TNFAIP1: variants seen among roughly 807,000 people sequenced by gnomAD.
TNFAIP1 encodes the protein TNF alpha induced protein 1, also known as BTB/POZ domain-containing adapter for CUL3-mediated RhoA degradation protein 2.
A neutral mutation model predicts 32.6 loss-of-function variants in TNFAIP1; 20 were observed. That is an observed-to-expected ratio of 0.61 (90% CI 0.43 to 0.89). The LOEUF (loss-of-function observed/expected upper bound fraction) is 0.89. Among genes scored for constraint, TNFAIP1 ranks in the 40% least tolerant of loss-of-function variants. The probability of loss-of-function intolerance (pLI) is 0.00; values close to 1 mark genes in which losing one functional copy is unlikely to be tolerated. For missense variants in TNFAIP1, 319 were observed against 425.1 expected (o/e 0.75, Z 2.20); for synonymous variants, 166 against 166.8 (o/e 1.00, Z 0.04).
intron 5 of TNFAIP1, 52 bp downstream of exon 5, chr17:28,341,508 A>ACAGGCAGTACTCCTTGGGTCTG: frequency 6.3e-7 from 1 of 1,595,000 alleles, no homozygotes; most frequent in Non-Finnish European, 8.6e-7. Flanking sequence ...CCCAAGGAGT[A>ACAGGCAGTACTCCTTGGGTCTG]CTGCCTGTAC....
chr17:28,341,133 C>T, intron 3 of TNFAIP1, 104 bp from the exon 4 acceptor site: 2 of 1,206,840 alleles, frequency 1.7e-6, no homozygotes, highest in East Asian at 2.3e-5. Context: ...GACACTTCCT[C>T]ACCAAGCAGC....
intron 5 of TNFAIP1, among the ~76,000 whole-genome samples, 191 bp downstream of exon 5, chr17:28,341,647 A>C (rs886683193): frequency 2.0e-5 from 3 of 152,254 alleles, no homozygotes; most frequent in African/African-American, 7.2e-5. Context: ...CCTGGCTGGG[A>C]TATAAATGAT....
At position 28,346,397 on chromosome 17, in the gene TNFAIP1, C is replaced by G. The variant is rs1409250983; in HGVS notation, c.*1797C>G. On this transcript the variant is annotated 3_prime_UTR_variant, in exon 7 of 7. Coordinates refer to ENST00000226225, the MANE Select transcript of TNFAIP1 (RefSeq NM_021137.5). The stretch of plus-strand genomic sequence containing the variant: ...GACCACTGGCCTATTTTCTCAGCTG[C>G]CCTCTTGAGGTCCTTTAACACTCAA... The G allele has an allele frequency of 1.3e-5, 2 of 152,200 alleles. No individual in the cohort carries two copies. The highest frequency in any genetic ancestry group is 4.8e-5 in the African/African-American group (2 of 41,440). 9.4% of individuals were successfully genotyped at this position (152,200 alleles called of 1,614,324 possible). A position where few individuals can be genotyped will look rare whatever the true frequency, so the allele number is the denominator to read the frequency against.
In TNFAIP1 at chr17:28,344,788, A is replaced by G. The variant is rs1319315096; in HGVS notation, c.*188A>G. 9 of 614,112 alleles carry G rather than the reference A, an allele frequency of 1.5e-5. No homozygotes were observed. The highest frequency in any genetic ancestry group is 4.3e-4 in the Middle Eastern group (1 of 2,334). The allele number at this position is 614,112 out of a possible 1,614,324, so 38.0% of individuals were successfully genotyped here. A position where few individuals can be genotyped will look rare whatever the true frequency, so the allele number is the denominator to read the frequency against. On this transcript the variant is annotated 3_prime_UTR_variant, in exon 7 of 7. Transcript: ENST00000226225. ...ACATTCCCCTGCCTTGCCCCTGAGC[A>G]CTTCTGGAGACTGCGTCCTGTCCTA...
chr17:28,342,616 C>CG lies in TNFAIP1; in HGVS notation c.714+177dup. The CG allele has an allele frequency of 1.7e-6, 1 of 597,418 alleles. No homozygotes were observed. The highest frequency in any genetic ancestry group is 2.7e-6 in the Non-Finnish European group (1 of 368,542). The allele number at this position is 597,418 out of a possible 1,614,324, so 37.0% of individuals were successfully genotyped here. On this transcript the variant is annotated intron_variant, in intron 6 of 6. Coordinates refer to ENST00000226225, the MANE Select transcript of TNFAIP1 (RefSeq NM_021137.5). This position sits in a 1 kb window ranked among gnomAD's most constrained non-coding sequence, Gnocchi z 4.0. ...CAGAACAAGGGGTGTGGGGAATGGA[C>CG]GGGAACTGCTTTGTTCCTGACAGCG...
chr17:28,339,952 A>G (rs1331848417), intron 2 of TNFAIP1, among the ~76,000 whole-genome samples: 2 of 152,314 alleles, frequency 1.3e-5, no homozygotes, highest in African/African-American at 2.4e-5. Flanking sequence ...ATAGGACAAG[A>G]TTCTCATAGG....
Position 28,346,627 on chromosome 17 carries a change from C to A in TNFAIP1, c.*2027C>A, listed in dbSNP as rs1907577226. On this transcript the variant is annotated 3_prime_UTR_variant, in exon 7 of 7. Coordinates refer to ENST00000226225, the MANE Select transcript of TNFAIP1 (RefSeq NM_021137.5). ...AAGGAAAATACTAACATTGAACTCA[C>A]TGACATGATCTTAGCTTCTTTAATC... is the stretch of plus-strand genomic sequence containing the variant. 1 of 152,266 alleles carries A rather than the reference C, an allele frequency of 6.6e-6. No individual in the cohort carries two copies. Among genetic ancestry groups the A allele is most frequent in the Non-Finnish European group, 1.5e-5 (1 of 68,058 alleles). The allele number at this position is 152,266 out of a possible 1,614,324, so 9.4% of individuals were successfully genotyped here. A position where few individuals can be genotyped will look rare whatever the true frequency, so the allele number is the denominator to read the frequency against.
chr17:28,339,793 C>A, intron 2 of TNFAIP1, 67 bp downstream of exon 2: 1 of 1,527,612 alleles, frequency 6.5e-7, no homozygotes, highest in Non-Finnish European at 8.9e-7. Flanking sequence ...ATGACCAGAT[C>A]TAGAATTCAG....
intron 5 of TNFAIP1, among the ~76,000 whole-genome samples, chr17:28,341,785 T>C (rs1907370889): frequency 6.6e-6 from 1 of 152,176 alleles, no homozygotes; most frequent in Non-Finnish European, 1.5e-5. Context: ...AGCCAGCCTG[T>C]GCAGTTCACA....
At position 28,342,534 on chromosome 17, in the gene TNFAIP1, G is replaced by T; in HGVS notation, c.714+92G>T. On this transcript the variant is annotated intron_variant, in intron 6 of 6. Coordinates refer to ENST00000226225, the MANE Select transcript of TNFAIP1 (RefSeq NM_021137.5). This position sits in a 1 kb window ranked among gnomAD's most constrained non-coding sequence, Gnocchi z 4.0. ...GCTGTGACCAGCACGGAGCAAAAGG[G>T]GCATGGACTTGGCTCTTTTTTCCAA... The T allele has an allele frequency of 7.7e-7, 1 of 1,295,468 alleles. No individual in the cohort carries two copies. The allele number at this position is 1,295,468 out of a possible 1,614,324, so 80.2% of individuals were successfully genotyped here.
intron 1 of TNFAIP1, chr17:28,336,512 T>C (rs3093676): frequency 2.6e-5 from 4 of 152,272 alleles, no homozygotes; most frequent in African/African-American, 9.6e-5. Context: ...CGCCGACCTC[T>C]CTTGGCAGGC....
In TNFAIP1 at chr17:28,340,259, C is replaced by T. The variant is rs370892455; in HGVS notation, c.206-50C>T. 34 of 1,595,024 alleles carry T rather than the reference C, an allele frequency of 2.1e-5. No individual in the cohort carries two copies. Among genetic ancestry groups the T allele is most frequent in the African/African-American group, 2.0e-4 (15 of 74,586 alleles). On this transcript the variant is annotated intron_variant, in intron 2 of 6. Transcript: ENST00000226225. The surrounding 1 kb of genome is among the most constrained non-coding windows in gnomAD (Gnocchi z 4.1). ...CTTGTCAGGTGGCCTTTGCCTGCCT[C>T]GGAGGTACCTGGCGGCAAACTAACC...
Position 28,346,144 on chromosome 17 carries a change from T to G in TNFAIP1, c.*1544T>G, listed in dbSNP as rs1251132381. The G allele has an allele frequency of 6.6e-6, 1 of 152,266 alleles. No homozygotes were observed. The highest frequency in any genetic ancestry group is 1.5e-5 in the Non-Finnish European group (1 of 68,064). 9.4% of individuals were successfully genotyped at this position (152,266 alleles called of 1,614,324 possible). On this transcript the variant is annotated 3_prime_UTR_variant, in exon 7 of 7. Coordinates refer to ENST00000226225, the MANE Select transcript of TNFAIP1 (RefSeq NM_021137.5). ...TTAGACACAAGGACCTGAAGTGACATGACGGCGGGACAGGGGAAATGTGAC... is the reference window on the plus strand; with the variant it reads ...TTAGACACAAGGACCTGAAGTGACAGGACGGCGGGACAGGGGAAATGTGAC...
At position 28,341,219 on chromosome 17, in the gene TNFAIP1, C is replaced by G. The variant is rs1597794356; in HGVS notation, c.376-18C>G. 2 of 1,613,576 alleles carry G rather than the reference C, an allele frequency of 1.2e-6. No individual in the cohort carries two copies. The highest frequency in any genetic ancestry group is 2.2e-5 in the East Asian group (1 of 44,882). ...AGCAGAAGATCCTAAAGAGGGTTCTCTGTTCTGTGTCGCACAGGACAAGAA... is the reference window on the plus strand; with the variant it reads ...AGCAGAAGATCCTAAAGAGGGTTCTGTGTTCTGTGTCGCACAGGACAAGAA... On this transcript the variant is annotated intron_variant, in intron 3 of 6. Transcript: ENST00000226225.
At chr17:28,343,768 C>T (rs1555578520) in intron 6 of TNFAIP1, among the ~76,000 whole-genome samples, 1 of 152,050 alleles carries the variant, frequency 6.6e-6, no homozygotes, top group Non-Finnish European at 1.5e-5. Context: ...AAGCTCAGTC[C>T]AACAGAGCAG....
rs1907315054 is a variant in TNFAIP1, at chr17:28,340,223, C to T, written c.206-86C>T. 17 of 1,461,936 alleles carry T rather than the reference C, an allele frequency of 1.2e-5. No homozygotes were observed. The highest frequency in any genetic ancestry group is 3.6e-4 in the Middle Eastern group (2 of 5,582). The allele number at this position is 1,461,936 out of a possible 1,614,324, so 90.6% of individuals were successfully genotyped here. On this transcript the variant is annotated intron_variant, in intron 2 of 6. Transcript: ENST00000226225. This position sits in a 1 kb window ranked among gnomAD's most constrained non-coding sequence, Gnocchi z 4.1. ...TGCTCGTGGACCCCCTTCCCTGCCA[C>T]CTGCCGCCAGCTTGTCAGGTGGCCT...
intron 6 of TNFAIP1, among the ~76,000 whole-genome samples, chr17:28,344,152 G>A (rs377275692): frequency 6.6e-6 from 1 of 152,136 alleles, no homozygotes; most frequent in African/African-American, 2.4e-5. Flanking sequence ...GGGCAGGGGT[G>A]TGGAGGATGT....
At position 28,345,288 on chromosome 17, in the gene TNFAIP1, G is replaced by A. The variant is rs1907514798; in HGVS notation, c.*688G>A. 1 of 151,284 alleles carries A rather than the reference G, an allele frequency of 6.6e-6. No homozygotes were observed. The highest frequency in any genetic ancestry group is 1.5e-5 in the Non-Finnish European group (1 of 67,852). The allele number at this position is 151,284 out of a possible 1,614,324, so 9.4% of individuals were successfully genotyped here. Reference sequence around the variant, plus strand: ...GAATCAATCTGAGGGAGGGGATAAAGAGGAAGCAATAAAAAAAAAACATCC... The same window carrying A: ...GAATCAATCTGAGGGAGGGGATAAAAAGGAAGCAATAAAAAAAAAACATCC... On this transcript the variant is annotated 3_prime_UTR_variant, in exon 7 of 7. Coordinates refer to ENST00000226225, the MANE Select transcript of TNFAIP1 (RefSeq NM_021137.5).
chr17:28,335,988 G>GTAGGGGAGATGGA (rs1555577366), intron 1 of TNFAIP1, 132 bp downstream of exon 1: 1 of 152,224 alleles, frequency 6.6e-6, no homozygotes, highest in Non-Finnish European at 1.5e-5. Context: ...GATCTCCCAC[G>GTAGGGGAGATGGA]GAGGGTGGGC....
Sources: gnomAD v4.1 joint callset for allele counts (sites outside exome capture counted in the v4.1 genomes callset) on GRCh38, gnomAD v4.1.1 for gene constraint, Gnocchi (gnomAD v3.1) non-coding constraint, MANE v1.5 for transcripts, NCBI Gene and HGNC (gene_info 2026-07-23, HGNC 2026-07-21) for gene names.